The following JMJD1C variants were observed in gnomAD, a reference collection of about 807,000 sequenced individuals.
The protein encoded by JMJD1C is jumonji domain containing 1C, also known as jumonji domain-containing protein 1C.
In JMJD1C, 31 loss-of-function variants were observed where a neutral mutation model predicts 245.3. That is an observed-to-expected ratio of 0.13 (90% confidence interval 0.09 to 0.17). The LOEUF (loss-of-function observed/expected upper bound fraction) is 0.17. JMJD1C is among the 10% of genes least tolerant of loss of function. The pLI is 1.00. For missense variants in JMJD1C, 2,691 were observed against 3,000.2 expected (o/e 0.90, Z 2.41); for synonymous variants, 1,057 against 1,017.4 (o/e 1.04, Z -0.74).
chr10:63,501,460 C>T (rs1954557618), intron 1 of JMJD1C, among the ~76,000 whole-genome samples: 1 of 152,098 alleles, frequency 6.6e-6, no homozygotes, highest in African/African-American at 2.4e-5. Context: ...TTATTCTGTC[C>T]ACATTTTTAA....
intron 3 of JMJD1C, chr10:63,222,371 A>G (rs973857876): frequency 8.7e-6 from 9 of 1,030,028 alleles, no homozygotes; most frequent in Non-Finnish European, 1.4e-5. Context: ...GTTTTTCAGT[A>G]CAGCTGGATG....
chr10:63,375,203 T>TTTTTTG (rs1554908295), intron 2 of JMJD1C, among the ~76,000 whole-genome samples: 2 of 149,190 alleles, frequency 1.3e-5, no homozygotes, highest in Non-Finnish European at 3.0e-5. Context: ...TTTTTTTTTT[T>TTTTTTG]TGAGGCAAGG....
chr10:63,173,859 A>G (rs1484048705), intron 24 of JMJD1C, among the ~76,000 whole-genome samples: 3 of 152,270 alleles, frequency 2.0e-5, no homozygotes, highest in Non-Finnish European at 4.4e-5. Flanking sequence ...TCAGTAAGAA[A>G]AAAAGCAGCT....
At chr10:63,422,215 C>G (rs1184578074) in intron 1 of JMJD1C, among the ~76,000 whole-genome samples, 1 of 152,084 alleles carries the variant, frequency 6.6e-6, no homozygotes, top group African/African-American at 2.4e-5. Flanking sequence ...AATTCAAGAC[C>G]AGCCTGGTCA....
intron 3 of JMJD1C, among the ~76,000 whole-genome samples, chr10:63,227,945 C>A (rs1009754048): frequency 3.3e-5 from 5 of 152,156 alleles, no homozygotes; most frequent in African/African-American, 9.7e-5. Flanking sequence ...ATACAAGAAT[C>A]CATTTTGCTA....
intron 1 of JMJD1C, among the ~76,000 whole-genome samples, chr10:63,419,759 T>G (rs1950010408): frequency 7.3e-6 from 1 of 137,134 alleles, no homozygotes; most frequent in Non-Finnish European, 1.5e-5. Flanking sequence ...CAAATCACAC[T>G]AAGAAAAGGA....
intron 2 of JMJD1C, among the ~76,000 whole-genome samples, chr10:63,316,959 G>C (rs1292703696): frequency 6.6e-6 from 1 of 152,076 alleles, no homozygotes; most frequent in African/African-American, 2.4e-5. Context: ...CCCTGGGTTA[G>C]AGCAATTCTC....
chr10:63,417,499 A>G (rs1378204479), intron 1 of JMJD1C, among the ~76,000 whole-genome samples: 1 of 152,194 alleles, frequency 6.6e-6, no homozygotes, highest in Non-Finnish European at 1.5e-5. Flanking sequence ...ATTCTGGATT[A>G]AAACACTTTG....
chr10:63,252,282 T>C (rs1236558944), intron 3 of JMJD1C, among the ~76,000 whole-genome samples: 1 of 152,210 alleles, frequency 6.6e-6, no homozygotes, highest in Non-Finnish European at 1.5e-5. Flanking sequence ...TGTTGCCTAG[T>C]GGTCTGGTCA....
chr10:63,465,240 C>T (rs757498404), intron 1 of JMJD1C: 1 of 433,938 alleles, frequency 2.3e-6, no homozygotes, highest in Non-Finnish European at 4.1e-6. Flanking sequence ...GTCGACCCCT[C>T]CGGGATGGGG....
chr10:63,309,383 A>G (rs1938797457), intron 2 of JMJD1C, among the ~76,000 whole-genome samples: 1 of 150,214 alleles, frequency 6.7e-6, no homozygotes, highest in African/African-American at 2.5e-5. Flanking sequence ...AATCCCAGGT[A>G]CTCAGGAGGC....
intron 2 of JMJD1C, among the ~76,000 whole-genome samples, chr10:63,372,337 T>C (rs917942066): frequency 2.0e-5 from 3 of 152,226 alleles, no homozygotes; most frequent in Non-Finnish European, 4.4e-5. Flanking sequence ...AAGATTTGAA[T>C]ATTTAAGTCA....
chr10:63,441,771 T>A (rs1414226468), intron 1 of JMJD1C, among the ~76,000 whole-genome samples: 2 of 152,150 alleles, frequency 1.3e-5, no homozygotes, highest in Non-Finnish European at 2.9e-5. Flanking sequence ...CACTCAACCC[T>A]CTTCCTTTGT....
At position 63,207,567 on chromosome 10, in the gene JMJD1C, A is replaced by T. The variant is rs747127923; in HGVS notation, c.4102T>A (p.Ser1368Thr). The change falls in exon 10 of 26, where the codon TCT becomes ACT. Residue 1368 changes from serine (S) to threonine (T), a missense_variant. Around this residue, in one of 9 missense-constraint regions of JMJD1C, gnomAD observed 1,562 missense variants for 1,490.7 expected, o/e 1.05. Transcript: ENST00000399262. ...GAGACAGCCTGAAAGTTTTTTTCAG[A>T]TTTTGTGTGAACACTGTCTGAATTC... ...NVNSDSVHTK[S>T]EKNFQAVSQG... The T allele has an allele frequency of 1.9e-6, 3 of 1,614,104 alleles. No homozygotes were observed. Among genetic ancestry groups the T allele is most frequent in the Admixed American group, 1.7e-5 (1 of 60,012 alleles).
chr10:63,195,075 C>G (rs913852587), intron 13 of JMJD1C, among the ~76,000 whole-genome samples: 1 of 152,166 alleles, frequency 6.6e-6, no homozygotes, highest in Non-Finnish European at 1.5e-5. Flanking sequence ...TAGAACTAGA[C>G]CAGGCACAGT....
At position 63,204,117 on chromosome 10, in the gene JMJD1C, C is replaced by T. The variant is rs913519997; in HGVS notation, c.5074+2478G>A. On this transcript the variant is annotated intron_variant, in intron 10 of 25. Coordinates refer to ENST00000399262, the MANE Select transcript of JMJD1C (RefSeq NM_032776.3). ...CTCCAGTCTGGGCAATGTAGGGAGA[C>T]TGTCTCTAAAAAATATTTAAGAAAA... 5.3e-6 allele frequency: 5 copies of T among 943,172 alleles called. No homozygotes were observed. In the Admixed American group the frequency reaches 1.9e-4, roughly 35 times the overall value. The allele number at this position is 943,172 out of a possible 1,614,324, so 58.4% of individuals were successfully genotyped here. A position where few individuals can be genotyped will look rare whatever the true frequency, so the allele number is the denominator to read the frequency against.
chr10:63,356,583 T>A (rs1944863240), intron 2 of JMJD1C, among the ~76,000 whole-genome samples: 1 of 152,242 alleles, frequency 6.6e-6, no homozygotes, highest in Admixed American at 6.5e-5. Flanking sequence ...TGTTCATCCA[T>A]CTGCCTTTCA....
In JMJD1C at chr10:63,213,906, T is replaced by C; in HGVS notation, c.2261A>G (p.His754Arg). 6.2e-7 allele frequency: 1 copy of C among 1,614,132 alleles called. No homozygotes were observed. Among genetic ancestry groups the C allele is most frequent in the South Asian group, 1.1e-5 (1 of 91,076 alleles). The change falls in exon 8 of 26, where the codon CAT becomes CGT. Residue 754 changes from histidine to arginine, a missense_variant. Physicochemically the swap from His to Arg is conservative, Grantham distance 29 (BLOSUM62 0). Coordinates refer to ENST00000399262, the MANE Select transcript of JMJD1C (RefSeq NM_032776.3). Reference sequence around the variant, plus strand: ...GGGTGCAGGAGTTAAGGCAGGATGATGGGTACCTGGATTTAAACAGGTTCT... The same window carrying C: ...GGGTGCAGGAGTTAAGGCAGGATGACGGGTACCTGGATTTAAACAGGTTCT... Reference protein sequence around the residue: ...SHRTCLNPGTHHPALTPAPHL... With the variant: ...SHRTCLNPGTRHPALTPAPHL...
rs190677490 is a variant in JMJD1C at position 63,340,200 on chromosome 10, G to A, written c.333+40118C>T. On this transcript the variant is annotated intron_variant, in intron 2 of 25. Coordinates refer to ENST00000399262, the MANE Select transcript of JMJD1C (RefSeq NM_032776.3). ...TGTGACAATTCACAGACAAAATGCA[G>A]GCATACAAACACACAGTTTATTCAG... Among the ~76,000 whole-genome samples, 495 of 152,188 alleles carry A rather than the reference G, an allele frequency of 3.3e-3. 2 individuals are homozygous for A. Among genetic ancestry groups the A allele is most frequent in the Non-Finnish European group, 5.7e-3 (386 of 68,008 alleles).
Sources: gnomAD v4.1 joint callset for allele counts (sites outside exome capture counted in the v4.1 genomes callset) on GRCh38, gnomAD v4.1.1 for gene constraint, gnomAD v4.1.1 regional missense constraint, MANE v1.5 for transcripts, NCBI Gene and HGNC (gene_info 2026-07-23, HGNC 2026-07-21) for gene names.